GMEB2: variants seen among roughly 807,000 people sequenced by gnomAD.
GMEB2 encodes the protein glucocorticoid modulatory element binding protein 2, also known as glucocorticoid modulatory element-binding protein 2.
A neutral mutation model predicts 45.7 loss-of-function variants in GMEB2; 7 were observed. The ratio of observed to expected loss-of-function variants is 0.15; its 90% CI spans 0.09 to 0.29. The LOEUF is 0.29. Ranked by LOEUF, GMEB2 falls within the 10% of genes least tolerant of loss-of-function variation. GMEB2 has a pLI of 1.00. For synonymous variants in GMEB2, 322 were observed against 323.6 expected (o/e 1.00, Z 0.05); for missense variants, 582 against 739.2 (o/e 0.79, Z 2.47).
intron 4 of GMEB2, among the ~76,000 whole-genome samples, chr20:63,599,134 C>G (rs899681269): frequency 5.9e-5 from 9 of 152,194 alleles, no homozygotes; most frequent in Non-Finnish European, 1.2e-4. Flanking sequence ...CCTGACCCCC[C>G]AGAGCTAACG....
chr20:63,621,446 G>A (rs983085230), intron 1 of GMEB2, among the ~76,000 whole-genome samples: 1 of 151,932 alleles, frequency 6.6e-6, no homozygotes, highest in East Asian at 1.9e-4. Flanking sequence ...GAGGCGGATC[G>A]CCTGAGGTCA....
chr20:63,595,803 C>T, intron 5 of GMEB2, 36 bp from the exon 6 acceptor site: 1 of 1,606,526 alleles, frequency 6.2e-7, no homozygotes, highest in Non-Finnish European at 8.5e-7. Flanking sequence ...TCCAGGTCGG[C>T]CCCAGAGCCG....
rs1265954819 is a variant in GMEB2, at chr20:63,589,091, A to C, written c.*998T>G. On this transcript the variant is annotated 3_prime_UTR_variant, in exon 10 of 10. Coordinates refer to ENST00000370077, the MANE Select transcript of GMEB2 (RefSeq NM_012384.5). ...GGAGCCAAGGGCTGTTCCGTGGCCA[A>C]GCAGCCCAAGCTGAAGGGCCCACAT... 2.5e-6 allele frequency: 1 copy of C among 398,996 alleles called. No individual in the cohort carries two copies. The highest frequency in any genetic ancestry group is 3.6e-5 in the East Asian group (1 of 28,158). The allele number at this position is 398,996 out of a possible 1,614,324, so 24.7% of individuals were successfully genotyped here.
Position 63,588,731 on chromosome 20 carries a change from C to A in GMEB2, c.*1358G>T. ...GGGCCTCAGACGGGCCTTCAACTGC[C>A]GACAGAATCAGCAGGAGCGTCCAGG... On this transcript the variant is annotated 3_prime_UTR_variant, in exon 10 of 10. Transcript: ENST00000370077. 1 of 398,678 alleles carries A rather than the reference C, an allele frequency of 2.5e-6. No individual in the cohort carries two copies. Among genetic ancestry groups the A allele is most frequent in the South Asian group, 1.3e-4 (1 of 7,840 alleles). 24.7% of individuals were successfully genotyped at this position (398,678 alleles called of 1,614,324 possible).
intron 9 of GMEB2, 84 bp downstream of exon 9, chr20:63,591,938 G>A (rs1462983712): frequency 1.5e-5 from 18 of 1,198,916 alleles, no homozygotes; most frequent in Non-Finnish European, 1.9e-5. Flanking sequence ...AGTGCAGGTG[G>A]ATGCACAGCC....
At chr20:63,594,005 G>A (rs1274911667) in intron 6 of GMEB2, among the ~76,000 whole-genome samples, 2 of 152,260 alleles carry the variant, frequency 1.3e-5, no homozygotes, top group African/African-American at 4.8e-5. Flanking sequence ...GGGCGACAGA[G>A]CAGGACTCCT....
At chr20:63,600,197 C>A (rs1036548130) in intron 4 of GMEB2, among the ~76,000 whole-genome samples, 1 of 151,874 alleles carries the variant, frequency 6.6e-6, no homozygotes, top group Non-Finnish European at 1.5e-5. Flanking sequence ...CACATGCCAC[C>A]ATGCCTGGCC....
At chr20:63,605,013 G>A (rs2146072500) in intron 2 of GMEB2, 173 bp from the exon 3 acceptor site, 1 of 548,002 alleles carries the variant, frequency 1.8e-6, no homozygotes, top group East Asian at 3.3e-5. Flanking sequence ...CACTTTGGGA[G>A]GCTGAGGTGG....
Position 63,602,948 on chromosome 20 carries a change from A to T in GMEB2, c.357+17T>A, listed in dbSNP as rs1349242539. 1.2e-6 allele frequency: 2 copies of T among 1,612,716 alleles called. No homozygotes were observed. The highest frequency in any genetic ancestry group is 3.3e-5 in the Admixed American group (2 of 59,942). Reference sequence around the variant, plus strand: ...ATGAGGCCTCTCTCCTGGGCCCTGAATGCAGCCTGTGCTCACCTGAACACA... The same window carrying T: ...ATGAGGCCTCTCTCCTGGGCCCTGATTGCAGCCTGTGCTCACCTGAACACA... On this transcript the variant is annotated intron_variant, in intron 4 of 9. Coordinates refer to ENST00000370077, the MANE Select transcript of GMEB2 (RefSeq NM_012384.5).
At chr20:63,614,645 T>G (rs1171489715) in intron 2 of GMEB2, among the ~76,000 whole-genome samples, 1 of 152,214 alleles carries the variant, frequency 6.6e-6, no homozygotes, top group Non-Finnish European at 1.5e-5. Context: ...GATGCTGTGC[T>G]TCAGTGGTCA....
Position 63,591,587 on chromosome 20 carries a change from C to T in GMEB2, c.952+435G>A, listed in dbSNP as rs534399885. Among the ~76,000 whole-genome samples, 162 of 152,306 alleles carry T rather than the reference C, an allele frequency of 1.1e-3. 1 individual carries two copies. Among genetic ancestry groups the T allele is most frequent in the Middle Eastern group, 3.4e-3 (1 of 294 alleles). On this transcript the variant is annotated intron_variant, in intron 9 of 9. Transcript: ENST00000370077. The stretch of plus-strand genomic sequence containing the variant: ...GCTCAAGCAATTGCCTGCCAGCCTC[C>T]CGAGTAGCTGGGATTACAGGCACAC...
intron 2 of GMEB2, among the ~76,000 whole-genome samples, chr20:63,610,601 C>T (rs2089562113): frequency 6.6e-6 from 1 of 152,116 alleles, no homozygotes. Context: ...GATTTAATTC[C>T]CCACAAAAAA....
intron 2 of GMEB2, among the ~76,000 whole-genome samples, chr20:63,610,051 G>A (rs116723334): frequency 6.6e-6 from 1 of 152,226 alleles, no homozygotes; most frequent in East Asian, 1.9e-4. Context: ...ACTGGCATGA[G>A]GGTTGTCTGA....
intron 3 of GMEB2, among the ~76,000 whole-genome samples, chr20:63,604,294 T>G (rs1169481507): frequency 2.7e-5 from 4 of 150,342 alleles, no homozygotes; most frequent in Non-Finnish European, 5.9e-5. Flanking sequence ...AGGAGGATCA[T>G]CTGAGCCTGG....
Position 63,619,709 on chromosome 20 carries a change from C to T in GMEB2, c.-57-255G>A, listed in dbSNP as rs559803749. 64 of 204,534 alleles carry T rather than the reference C, an allele frequency of 3.1e-4. No homozygotes were observed. Among genetic ancestry groups the T allele is most frequent in the Non-Finnish European group, 7.9e-5 (8 of 100,692 alleles). 12.7% of individuals were successfully genotyped at this position (204,534 alleles called of 1,614,324 possible). ...AGAAAGCACAGAGCCACTCCCTCCA[C>T]GTGGGGCTCAGAGCAGGAGGACAGG... On this transcript the variant is annotated intron_variant, in intron 1 of 9. Coordinates refer to ENST00000370077, the MANE Select transcript of GMEB2 (RefSeq NM_012384.5). The surrounding 1 kb of genome is among the most constrained non-coding windows in gnomAD (Gnocchi z 4.6).
At chr20:63,626,000 A>C (rs1214006948) in intron 1 of GMEB2, among the ~76,000 whole-genome samples, 1 of 152,264 alleles carries the variant, frequency 6.6e-6, no homozygotes, top group Non-Finnish European at 1.5e-5. Flanking sequence ...ATTCTGGTTC[A>C]ACAGAAAAGT....
Position 63,590,472 on chromosome 20 carries a change from TG to T in GMEB2, c.1209del (p.Thr404ProfsTer54). On this transcript the variant is annotated frameshift_variant, in exon 10 of 10. Coordinates refer to ENST00000370077, the MANE Select transcript of GMEB2 (RefSeq NM_012384.5). LOFTEE classifies it high-confidence loss of function. ...TTGCCCAGGACGGTGGACGGCAGGG[TG>T]GACACCACTTTACCAAGGGGCACGC... ...LTSVPLGKVV[S>X]TLPSTVLGKG... The T allele has an allele frequency of 6.6e-7, 1 of 1,507,142 alleles. No homozygotes were observed. The highest frequency in any genetic ancestry group is 1.3e-5 in the South Asian group (1 of 77,646). The allele number at this position is 1,507,142 out of a possible 1,614,324, so 93.4% of individuals were successfully genotyped here.
At position 63,593,462 on chromosome 20, in the gene GMEB2, G is replaced by A. The variant is rs1323080982; in HGVS notation, c.620-380C>T. 6.6e-6 allele frequency among the ~76,000 whole-genome samples: 1 copy of A among 151,998 alleles called. No homozygotes were observed. Among genetic ancestry groups the A allele is most frequent in the Non-Finnish European group, 1.5e-5 (1 of 68,030 alleles). On this transcript the variant is annotated intron_variant, in intron 6 of 9. Transcript: ENST00000370077. The surrounding 1 kb of genome is among the most constrained non-coding windows in gnomAD (Gnocchi z 4.7). ...TGCTTGACTTGTTTTCCCACCGAGA[G>A]CTCTGCGGCTGCGTCTGTCGCCCGT...
chr20:63,609,793 C>A (rs6122490), intron 2 of GMEB2, among the ~76,000 whole-genome samples: 117 of 48,782 alleles, frequency 2.4e-3, no homozygotes, highest in Non-Finnish European at 3.6e-3. Flanking sequence ...CTGACCCCAC[C>A]TCCATTTCTA....
Sources: gnomAD v4.1 joint callset for allele counts (sites outside exome capture counted in the v4.1 genomes callset) on GRCh38, gnomAD v4.1.1 for gene constraint, Gnocchi (gnomAD v3.1) non-coding constraint, MANE v1.5 for transcripts, NCBI Gene and HGNC (gene_info 2026-07-23, HGNC 2026-07-21) for gene names.